NFIB: variants seen among roughly 807,000 people sequenced by gnomAD.
NFIB encodes the protein nuclear factor I B.
Under a neutral mutation model 61.5 loss-of-function variants are expected in NFIB, and 11 were observed. The observed-to-expected ratio is 0.18, with a 90% CI of 0.11 to 0.30. The LOEUF is 0.30. Ranked by LOEUF, NFIB falls within the 10% of genes least tolerant of loss-of-function variation. The pLI, the probability that NFIB is intolerant of heterozygous loss-of-function variation, is 1.00. For missense variants in NFIB, 471 were observed against 608.9 expected, an observed-to-expected ratio of 0.77 and a Z score of 2.38; for synonymous variants, 260 against 216.5, an observed-to-expected ratio of 1.20 and a Z score of -1.76.
intron 2 of NFIB, among the ~76,000 whole-genome samples, chr9:14,303,547 T>TA (rs896303033): frequency 9.9e-5 from 15 of 152,258 alleles, no homozygotes; most frequent in Non-Finnish European, 1.6e-4. Context: ...AGACAAAACC[T>TA]AAAAAAAGGA....
At chr9:14,374,520 G>A (rs1022881888) in intron 1 of NFIB, among the ~76,000 whole-genome samples, 2 of 152,200 alleles carry the variant, frequency 1.3e-5, no homozygotes, top group Non-Finnish European at 2.9e-5. Context: ...GAAATGGGTT[G>A]TTTACAAAGG....
At position 14,380,415 on chromosome 9, in the gene NFIB, T is replaced by A. The variant is rs796168503; in HGVS notation, c.108+18109A>T. 1.5e-4 allele frequency among the ~76,000 whole-genome samples: 23 copies of A among 152,324 alleles called. 1 individual carries two copies. The highest frequency in any genetic ancestry group is 5.1e-4 in the African/African-American group (21 of 41,578). On this transcript the variant is annotated intron_variant, in intron 1 of 8. Transcript: ENST00000380934. ...AGAATTTGGCCCAATAAAATGGTGATGTAAATAGAAAAATGTATCGGCACA... is the reference window on the plus strand; with the variant it reads ...AGAATTTGGCCCAATAAAATGGTGAAGTAAATAGAAAAATGTATCGGCACA...
At chr9:14,411,132 T>C in the NFIB span, among the ~76,000 whole-genome samples, 1 of 152,218 alleles carries the variant, frequency 6.6e-6, no homozygotes, top group Non-Finnish European at 1.5e-5. Context: ...TAAGATGTTA[T>C]TTCATTTAGA....
chr9:14,453,425 G>T, the NFIB span, among the ~76,000 whole-genome samples: 1 of 152,136 alleles, frequency 6.6e-6, no homozygotes, highest in Non-Finnish European at 1.5e-5. Context: ...CATCCTAATA[G>T]GTTTTTAGCT....
intron 2 of NFIB, among the ~76,000 whole-genome samples, chr9:14,226,229 G>C (rs1331463452): frequency 6.6e-6 from 1 of 151,716 alleles, no homozygotes; most frequent in East Asian, 1.9e-4. Flanking sequence ...TTTGGCTAAA[G>C]TCTATTAGGT....
intron 3 of NFIB, among the ~76,000 whole-genome samples, chr9:14,165,767 A>T (rs2131311777): frequency 6.6e-6 from 1 of 152,258 alleles, no homozygotes; most frequent in East Asian, 1.9e-4. Flanking sequence ...AAAGACAAAT[A>T]CTGTATAATT....
chr9:14,144,809 G>C (rs2042111048), intron 6 of NFIB, among the ~76,000 whole-genome samples: 1 of 152,162 alleles, frequency 6.6e-6, no homozygotes, highest in Non-Finnish European at 1.5e-5. Context: ...GAGTTTGCCA[G>C]ATGAAGAGTT....
At chr9:14,430,579 T>C in the NFIB span, among the ~76,000 whole-genome samples, 1 of 52,192 alleles carries the variant, frequency 1.9e-5, no homozygotes, top group African/African-American at 1.1e-4. Flanking sequence ...AAATGCTATT[T>C]ATTTATTTAT....
chr9:14,274,699 A>T (rs1027431562), intron 2 of NFIB, among the ~76,000 whole-genome samples: 3 of 152,242 alleles, frequency 2.0e-5, no homozygotes, highest in African/African-American at 7.2e-5. Context: ...TAGAGCAACT[A>T]TCCAACATGA....
chr9:14,187,072 T>TGTGC (rs2047454194), intron 2 of NFIB, among the ~76,000 whole-genome samples: 36 of 145,114 alleles, frequency 2.5e-4, no homozygotes, highest in African/African-American at 9.2e-4. Flanking sequence ...TGTGTGTGTG[T>TGTGC]GCCTGTGTCT....
At chr9:14,157,341 A>G (rs186250842) in intron 3 of NFIB, among the ~76,000 whole-genome samples, 1 of 152,222 alleles carries the variant, frequency 6.6e-6, no homozygotes, top group East Asian at 1.9e-4. Flanking sequence ...ACAGAAAATC[A>G]TTCAATTAGC....
At chr9:14,308,674 GTTA>G (rs2060141220) in intron 1 of NFIB, among the ~76,000 whole-genome samples, 1 of 33,334 alleles carries the variant, frequency 3.0e-5, no homozygotes, top group Non-Finnish European at 1.5e-4. Flanking sequence ...TGAATTATCA[GTTA>G]GAACTGTGGG....
At chr9:14,452,442 GAAAGGA>G in the NFIB span, among the ~76,000 whole-genome samples, 1 of 116,456 alleles carries the variant, frequency 8.6e-6, no homozygotes, top group African/African-American at 3.0e-5. Flanking sequence ...GGAGGGGAAG[GAAAGGA>G]AAGGAAAGGA....
At chr9:14,260,633 G>A (rs891409375) in intron 2 of NFIB, among the ~76,000 whole-genome samples, 12 of 152,166 alleles carry the variant, frequency 7.9e-5, no homozygotes, top group African/African-American at 2.9e-4. Flanking sequence ...GCACAGCTAA[G>A]GTAACATGGA....
chr9:14,334,668 T>TA (rs968638616), intron 1 of NFIB, among the ~76,000 whole-genome samples: 13 of 152,068 alleles, frequency 8.5e-5, no homozygotes, highest in East Asian at 5.8e-4. Context: ...ATATTTTTTT[T>TA]AAAAAAACAT....
chr9:14,197,206 C>G (rs937726155), intron 2 of NFIB, among the ~76,000 whole-genome samples: 4 of 152,154 alleles, frequency 2.6e-5, no homozygotes, highest in Non-Finnish European at 5.9e-5. Context: ...ATAGAAAAAC[C>G]TTGATTTTTC....
intron 2 of NFIB, among the ~76,000 whole-genome samples, chr9:14,293,305 G>GGA (rs2059217509): frequency 1.3e-5 from 2 of 152,150 alleles, no homozygotes; most frequent in Admixed American, 6.5e-5. Context: ...GTCGAAAATG[G>GGA]CTGCAAACCA....
At chr9:14,264,324 C>T (rs1336440708) in intron 2 of NFIB, among the ~76,000 whole-genome samples, 2 of 152,174 alleles carry the variant, frequency 1.3e-5, no homozygotes, top group Non-Finnish European at 2.9e-5. Context: ...CAGTCAACAA[C>T]CATTCTTTTC....
chr9:14,296,176 G>A (rs934021109), intron 2 of NFIB, among the ~76,000 whole-genome samples: 2 of 152,164 alleles, frequency 1.3e-5, no homozygotes, highest in African/African-American at 4.8e-5. Context: ...CTACTGGATA[G>A]TCTCCCTGGC....
Sources: gnomAD v4.1 joint callset for allele counts (sites outside exome capture counted in the v4.1 genomes callset) on GRCh38, gnomAD v4.1.1 for gene constraint, MANE v1.5 for transcripts, NCBI Gene and HGNC (gene_info 2026-07-23, HGNC 2026-07-21) for gene names.